The following STAU2 variants were observed in gnomAD, a reference collection of about 807,000 sequenced individuals.
STAU2 encodes the protein double-stranded RNA-binding protein Staufen homolog 2.
STAU2 carries 20 observed loss-of-function variants against 65.9 expected under a neutral mutation model. The observed-to-expected ratio is 0.30, with a 90% CI of 0.21 to 0.44. STAU2 has a LOEUF of 0.44. Among genes scored for constraint, STAU2 ranks in the 20% least tolerant of loss-of-function variants. STAU2 has a pLI of 1.00. For synonymous variants in STAU2, 232 were observed against 233.9 expected (o/e 0.99, Z 0.07); for missense variants, 558 against 683.9 (o/e 0.82, Z 2.05).
intron 13 of STAU2, among the ~76,000 whole-genome samples, chr8:73,520,679 G>A (rs1327185110): frequency 6.6e-6 from 1 of 152,206 alleles, no homozygotes; most frequent in Non-Finnish European, 1.5e-5. Flanking sequence ...CAGGACACAA[G>A]AAGATCAGCT....
intron 6 of STAU2, among the ~76,000 whole-genome samples, chr8:73,632,882 C>T (rs1814202667): frequency 6.6e-6 from 1 of 152,214 alleles, no homozygotes; most frequent in Non-Finnish European, 1.5e-5. Context: ...AAAGGCCAGA[C>T]TCCCCTGCAA....
chr8:73,426,119 A>G (rs1168124914), intron 13 of STAU2, among the ~76,000 whole-genome samples: 1 of 150,518 alleles, frequency 6.6e-6, no homozygotes, highest in East Asian at 1.9e-4. Flanking sequence ...TCCTCTCCCC[A>G]TGTCTACAAA....
chr8:73,561,100 C>T (rs1195536534), intron 12 of STAU2, among the ~76,000 whole-genome samples: 1 of 151,928 alleles, frequency 6.6e-6, no homozygotes, highest in African/African-American at 2.4e-5. Context: ...AATCAAAGAA[C>T]AGTCTGGCAC....
chr8:73,491,185 T>C (rs879669756), intron 13 of STAU2, among the ~76,000 whole-genome samples: 3 of 152,150 alleles, frequency 2.0e-5, no homozygotes, highest in African/African-American at 4.8e-5. Context: ...AAAGCACTTA[T>C]GAAAACATTT....
chr8:73,647,387 A>C (rs1047640651), intron 6 of STAU2, among the ~76,000 whole-genome samples: 1 of 152,206 alleles, frequency 6.6e-6, no homozygotes, highest in African/African-American at 2.4e-5. Context: ...CTACTCAAAA[A>C]CATAGAATAC....
chr8:73,442,115 G>A lies in STAU2; in HGVS notation c.1531-19413C>T, dbSNP rs183091723. Among the ~76,000 whole-genome samples the A allele has an allele frequency of 2.4e-3, 360 of 152,264 alleles. 2 individuals carry two copies. Among genetic ancestry groups the A allele is most frequent in the Middle Eastern group, 6.8e-3 (2 of 294 alleles). ...CACACCTGTAATCCCAGCACTTTGG[G>A]AGGCCGAGGTGGGCGGATCACGAGG... On this transcript the variant is annotated intron_variant, in intron 13 of 14. Transcript: ENST00000524300.
At chr8:73,694,277 A>C (rs1819551600) in intron 4 of STAU2, among the ~76,000 whole-genome samples, 1 of 152,240 alleles carries the variant, frequency 6.6e-6, no homozygotes, top group Non-Finnish European at 1.5e-5. Context: ...TGATATAACA[A>C]GCAAAAAAAA....
intron 13 of STAU2, chr8:73,550,868 G>A (rs776197458): frequency 7.1e-6 from 7 of 987,222 alleles, no homozygotes; most frequent in African/African-American, 3.5e-5. Context: ...AAAAAAATCC[G>A]AACATGCAAA....
At chr8:73,709,988 T>G (rs753394465) in intron 3 of STAU2, among the ~76,000 whole-genome samples, 1 of 152,042 alleles carries the variant, frequency 6.6e-6, no homozygotes, top group Non-Finnish European at 1.5e-5. Context: ...TTAACTACCA[T>G]AGAATTTCTT....
At chr8:73,548,758 G>A (rs1470988558) in intron 13 of STAU2, among the ~76,000 whole-genome samples, 2 of 152,144 alleles carry the variant, frequency 1.3e-5, no homozygotes, top group Non-Finnish European at 2.9e-5. Context: ...TACTCGGAAG[G>A]TTTCACAAAC....
At chr8:73,676,630 C>T (rs1023448430) in intron 5 of STAU2, among the ~76,000 whole-genome samples, 2 of 152,236 alleles carry the variant, frequency 1.3e-5, no homozygotes, top group Admixed American at 1.3e-4. Flanking sequence ...CGGAGTCTCG[C>T]TCTCACCCAG....
At chr8:73,595,345 T>G in intron 10 of STAU2, 48 bp from the exon 11 acceptor site, 5 of 1,512,234 alleles carry the variant, frequency 3.3e-6, no homozygotes, top group Non-Finnish European at 4.4e-6. Context: ...TATGATAAAT[T>G]TAAACAGGAA....
intron 13 of STAU2, among the ~76,000 whole-genome samples, chr8:73,530,230 G>A (rs1805722546): frequency 6.6e-6 from 1 of 152,130 alleles, no homozygotes; most frequent in Non-Finnish European, 1.5e-5. Context: ...TAAGCCACTG[G>A]GCTTTTTATC....
At chr8:73,533,088 T>C (rs748412029) in intron 13 of STAU2, among the ~76,000 whole-genome samples, 2 of 152,226 alleles carry the variant, frequency 1.3e-5, no homozygotes, top group African/African-American at 2.4e-5. Flanking sequence ...TGGCTTAGAA[T>C]AAACCTCTTT....
Position 73,546,730 on chromosome 8 carries a change from A to G in STAU2, c.1530+5282T>C, listed in dbSNP as rs188646081. Among the ~76,000 whole-genome samples the G allele has an allele frequency of 1.7e-3, 252 of 151,822 alleles. 3 individuals are homozygous for G. The highest frequency in any genetic ancestry group is 2.5e-3 in the East Asian group (13 of 5,172). On this transcript the variant is annotated intron_variant, in intron 13 of 14. Transcript: ENST00000524300. ...ATTTCAGCCACTGTCATTTGTGGGG[A>G]AAAAAAAATCTCCTTAGATATAGCT... is the stretch of plus-strand genomic sequence containing the variant.
chr8:73,434,222 A>G (rs1029786893), intron 13 of STAU2, among the ~76,000 whole-genome samples: 2 of 141,758 alleles, frequency 1.4e-5, no homozygotes, highest in Admixed American at 1.4e-4. Flanking sequence ...GAGGCCACTC[A>G]CATTCCTTGA....
Position 73,472,509 on chromosome 8 carries a change from TA to T in STAU2, c.1531-49808del, listed in dbSNP as rs1312762358. 2.6e-5 allele frequency among the ~76,000 whole-genome samples: 4 copies of T among 152,072 alleles called. No individual in the cohort carries two copies. In the East Asian group the frequency reaches 5.8e-4, roughly 22 times the overall value. The stretch of plus-strand genomic sequence containing the variant: ...GTGTGCACTATTAGAAAACCATCAA[TA>T]AAAAAATTGATAAACGAGGGAATAA... On this transcript the variant is annotated intron_variant, in intron 13 of 14. Coordinates refer to ENST00000524300, the MANE Select transcript of STAU2 (RefSeq NM_001164380.2).
At chr8:73,469,296 G>A (rs1488525034) in intron 13 of STAU2, among the ~76,000 whole-genome samples, 1 of 151,968 alleles carries the variant, frequency 6.6e-6, no homozygotes, top group Non-Finnish European at 1.5e-5. Flanking sequence ...CACACACCAG[G>A]GCCTGTTGTG....
intron 3 of STAU2, among the ~76,000 whole-genome samples, chr8:73,721,198 G>T (rs1402300476): frequency 6.8e-6 from 1 of 146,270 alleles, no homozygotes; most frequent in Non-Finnish European, 1.5e-5. Context: ...GCAGAAATGG[G>T]AGGATTGTTT....
Sources: gnomAD v4.1 joint callset for allele counts (sites outside exome capture counted in the v4.1 genomes callset) on GRCh38, gnomAD v4.1.1 for gene constraint, MANE v1.5 for transcripts, NCBI Gene and HGNC (gene_info 2026-07-23, HGNC 2026-07-21) for gene names.